OLA1: variants seen among roughly 807,000 people sequenced by gnomAD.
OLA1 encodes the protein Obg like ATPase 1.
OLA1 carries 14 observed loss-of-function variants against 48.4 expected under a neutral mutation model. That is an observed-to-expected ratio of 0.29 (90% CI 0.19 to 0.45). The LOEUF (loss-of-function observed/expected upper bound fraction) is 0.45. Ranked by LOEUF, OLA1 falls within the 20% of genes least tolerant of loss-of-function variation. The probability of loss-of-function intolerance (pLI) is 1.00; values close to 1 mark genes in which losing one functional copy is unlikely to be tolerated. For missense variants in OLA1, 325 were observed against 467.1 expected, an observed-to-expected ratio of 0.70 and a Z score of 2.80; for synonymous variants, 127 against 150.4, an observed-to-expected ratio of 0.84 and a Z score of 1.14.
chr2:174,246,306 A>C (rs1291360362), intron 2 of OLA1, among the ~76,000 whole-genome samples: 1 of 151,962 alleles, frequency 6.6e-6, no homozygotes, highest in Non-Finnish European at 1.5e-5. Context: ...TCTCAAAAAA[A>C]AAAAAGAAAA....
At chr2:174,123,130 G>T in intron 7 of OLA1, 50 bp downstream of exon 7, 1 of 816,600 alleles carries the variant, frequency 1.2e-6, no homozygotes, top group Non-Finnish European at 2.1e-6. Flanking sequence ...GTGTGTTTGT[G>T]TGTGTACAGA....
Position 174,219,014 on chromosome 2 carries a change from T to C in OLA1, c.373+4019A>G, listed in dbSNP as rs1252313906. On this transcript the variant is annotated intron_variant, in intron 4 of 10. Transcript: ENST00000284719. ...TTTTTTTTTTTTTTTTTTGTAGCAATGTGGTCTCCCTGTGCTTCCCGGGCC... is the reference window on the plus strand; with the variant it reads ...TTTTTTTTTTTTTTTTTTGTAGCAACGTGGTCTCCCTGTGCTTCCCGGGCC... 2.5e-5 allele frequency among the ~76,000 whole-genome samples: 3 copies of C among 120,632 alleles called. No homozygotes were observed. In the Admixed American group the frequency reaches 2.5e-4, roughly 10 times the overall value. 79.1% of individuals were successfully genotyped at this position (120,632 alleles called of 152,430 possible).
At chr2:174,188,472 T>C (rs1200929930) in intron 4 of OLA1, among the ~76,000 whole-genome samples, 2 of 152,166 alleles carry the variant, frequency 1.3e-5, no homozygotes, top group Non-Finnish European at 2.9e-5. Flanking sequence ...CTGTTGGATG[T>C]TGTTGTCTAA....
At chr2:174,182,716 C>G (rs1259284751) in intron 4 of OLA1, among the ~76,000 whole-genome samples, 1 of 152,168 alleles carries the variant, frequency 6.6e-6, no homozygotes, top group Non-Finnish European at 1.5e-5. Context: ...AAAAAACCCA[C>G]TGTTTTCATC....
At chr2:174,095,325 GTTTTTTTTT>G (rs1205716344) in intron 7 of OLA1, among the ~76,000 whole-genome samples, 10 of 78,010 alleles carry the variant, frequency 1.3e-4, no homozygotes, top group South Asian at 4.2e-4. Context: ...GTTATTTCCT[GTTTTTTTTT>G]TTTTTTTTTT....
intron 2 of OLA1, among the ~76,000 whole-genome samples, chr2:174,238,633 G>T (rs1342919781): frequency 6.6e-6 from 1 of 152,028 alleles, no homozygotes; most frequent in East Asian, 1.9e-4. Context: ...ACATAAAATG[G>T]TGCAGCCACT....
intron 4 of OLA1, among the ~76,000 whole-genome samples, chr2:174,208,377 G>A (rs182640398): frequency 6.6e-6 from 1 of 152,264 alleles, no homozygotes; most frequent in Admixed American, 6.5e-5. Flanking sequence ...AAAAGGGGTA[G>A]TATGAATTTT....
intron 7 of OLA1, among the ~76,000 whole-genome samples, chr2:174,099,824 T>A (rs897918718): frequency 2.0e-5 from 3 of 152,130 alleles, no homozygotes; most frequent in African/African-American, 7.3e-5. Context: ...GCTATGTAAT[T>A]GACTTAAGTC....
At chr2:174,194,984 T>C (rs1687852562) in intron 4 of OLA1, among the ~76,000 whole-genome samples, 1 of 152,138 alleles carries the variant, frequency 6.6e-6, no homozygotes, top group African/African-American at 2.4e-5. Flanking sequence ...TTTGAAACTA[T>C]GGTAATATTC....
chr2:174,202,834 A>T (rs1432580624), intron 4 of OLA1, among the ~76,000 whole-genome samples: 1 of 152,182 alleles, frequency 6.6e-6, no homozygotes, highest in Non-Finnish European at 1.5e-5. Flanking sequence ...CATATACAAA[A>T]TATGTGTCAA....
At chr2:174,217,184 C>A (rs567162209) in intron 4 of OLA1, among the ~76,000 whole-genome samples, 13 of 152,240 alleles carry the variant, frequency 8.5e-5, no homozygotes, top group African/African-American at 3.1e-4. Context: ...ACCCAAAGTT[C>A]TTCATAAAAT....
intron 7 of OLA1, among the ~76,000 whole-genome samples, chr2:174,086,392 C>T (rs1174442238): frequency 1.3e-5 from 2 of 152,090 alleles, no homozygotes; most frequent in Non-Finnish European, 2.9e-5. Flanking sequence ...AAACCACATA[C>T]GGTAGCCCCC....
intron 4 of OLA1, among the ~76,000 whole-genome samples, chr2:174,170,248 A>C (rs1038209830): frequency 6.6e-6 from 1 of 152,194 alleles, no homozygotes; most frequent in African/African-American, 2.4e-5. Context: ...GAAAGAAAAA[A>C]AATACAAAAA....
intron 4 of OLA1, among the ~76,000 whole-genome samples, chr2:174,193,000 GT>G (rs1687806581): frequency 6.6e-6 from 1 of 151,420 alleles, no homozygotes; most frequent in Non-Finnish European, 1.5e-5. Context: ...TATCCTGCTT[GT>G]TATTCTCTGA....
chr2:174,091,192 CT>C (rs1389863210), intron 7 of OLA1, among the ~76,000 whole-genome samples: 1 of 152,152 alleles, frequency 6.6e-6, no homozygotes, highest in African/African-American at 2.4e-5. Flanking sequence ...CATCTCTTAG[CT>C]TTAATATACT....
chr2:174,231,530 C>A (rs1341261552), intron 2 of OLA1, among the ~76,000 whole-genome samples: 3 of 151,912 alleles, frequency 2.0e-5, no homozygotes, highest in Non-Finnish European at 4.4e-5. Context: ...TATTTTATAT[C>A]GTCTACCTGG....
intron 4 of OLA1, among the ~76,000 whole-genome samples, chr2:174,198,263 C>T (rs1687922813): frequency 6.6e-6 from 1 of 151,944 alleles, no homozygotes. Flanking sequence ...GCCCAGCCTG[C>T]AATAAAATTT....
chr2:174,126,054 G>C (rs768960403), intron 5 of OLA1, among the ~76,000 whole-genome samples: 2 of 152,052 alleles, frequency 1.3e-5, no homozygotes, highest in Non-Finnish European at 1.5e-5. Flanking sequence ...TTGCTTTTCA[G>C]ATAAGACTAT....
intron 2 of OLA1, among the ~76,000 whole-genome samples, chr2:174,237,822 A>G (rs2105462877): frequency 6.6e-6 from 1 of 152,338 alleles, no homozygotes; most frequent in South Asian, 2.1e-4. Context: ...ATTATCAAGT[A>G]TTACGTACTG....
Sources: gnomAD v4.1 joint callset for allele counts (sites outside exome capture counted in the v4.1 genomes callset) on GRCh38, gnomAD v4.1.1 for gene constraint, MANE v1.5 for transcripts, NCBI Gene and HGNC (gene_info 2026-07-23, HGNC 2026-07-21) for gene names.